Variants in TMC1 observed in about 807,000 individuals in gnomAD.
TMC1 encodes the protein transmembrane channel like 1.
In TMC1, 84 loss-of-function variants were observed where a neutral mutation model predicts 105.8. That is an observed-to-expected ratio of 0.79 (90% CI 0.67 to 0.95). The LOEUF (loss-of-function observed/expected upper bound fraction) is 0.95. Among genes scored for constraint, TMC1 ranks in the 40% least tolerant of loss-of-function variants. The pLI is 0.00. For missense variants in TMC1, 817 were observed against 914.1 expected (o/e 0.89, Z 1.37); for synonymous variants, 315 against 311.5 (o/e 1.01, Z -0.12).
chr9:72,757,901 C>T (rs760856948), intron 12 of TMC1, among the ~76,000 whole-genome samples: 5 of 151,942 alleles, frequency 3.3e-5, no homozygotes, highest in Non-Finnish European at 5.9e-5. Flanking sequence ...GTATTACACA[C>T]GGTAATGTAT....
chr9:72,579,409 C>G (rs1824439298), intron 2 of TMC1, among the ~76,000 whole-genome samples: 1 of 152,086 alleles, frequency 6.6e-6, no homozygotes. Flanking sequence ...GCCAGAATCA[C>G]CCAGGCTCCA....
At chr9:72,610,432 A>G (rs1216544892) in intron 2 of TMC1, among the ~76,000 whole-genome samples, 12 of 152,266 alleles carry the variant, frequency 7.9e-5, no homozygotes, top group East Asian at 5.8e-4. Context: ...CAAGCGAGCC[A>G]ATGATGTAGT....
At chr9:72,555,862 C>T (rs1823928337) in intron 1 of TMC1, among the ~76,000 whole-genome samples, 2 of 151,246 alleles carry the variant, frequency 1.3e-5, no homozygotes. Context: ...ACCTTGTGAT[C>T]CACCCACCTT....
chr9:72,684,011 A>G lies in TMC1; in HGVS notation c.17-4698A>G, dbSNP rs558225289. Among the ~76,000 whole-genome samples the G allele has an allele frequency of 2.5e-4, 38 of 151,704 alleles. No individual in the cohort carries two copies. In the South Asian group the frequency reaches 7.5e-3, roughly 30 times the overall value. The stretch of plus-strand genomic sequence containing the variant: ...GGACTCAAATCTAAGCAAGAGGTAT[A>G]TTAGTAAGTTGTTCAGTCTTTTAAC... On this transcript the variant is annotated intron_variant, in intron 5 of 23. Coordinates refer to ENST00000297784, the MANE Select transcript of TMC1 (RefSeq NM_138691.3).
chr9:72,536,475 G>A (rs1304729568), intron 1 of TMC1, among the ~76,000 whole-genome samples: 1 of 152,136 alleles, frequency 6.6e-6, no homozygotes, highest in African/African-American at 2.4e-5. Context: ...TGGGACTACA[G>A]GCAGCTGCCA....
At chr9:72,693,436 C>G (rs1826501737) in intron 6 of TMC1, among the ~76,000 whole-genome samples, 1 of 152,156 alleles carries the variant, frequency 6.6e-6, no homozygotes, top group African/African-American at 2.4e-5. Context: ...GGGCTTGTCT[C>G]TCCTTTGGAA....
chr9:72,797,281 G>A (rs1400954217), intron 17 of TMC1, among the ~76,000 whole-genome samples: 1 of 152,098 alleles, frequency 6.6e-6, no homozygotes, highest in Non-Finnish European at 1.5e-5. Context: ...TTGTTAAAAT[G>A]GCCATACTGC....
intron 5 of TMC1, among the ~76,000 whole-genome samples, chr9:72,661,978 A>G (rs563326770): frequency 6.6e-6 from 1 of 152,170 alleles, no homozygotes; most frequent in Non-Finnish European, 1.5e-5. Context: ...AGGTTGGTAG[A>G]CTCGAGGGAT....
chr9:72,758,250 A>G (rs1588069006), intron 12 of TMC1, among the ~76,000 whole-genome samples: 2 of 152,172 alleles, frequency 1.3e-5, no homozygotes, highest in South Asian at 4.1e-4. Context: ...TTTTGTAAGA[A>G]AAAGGAATTC....
At position 72,708,426 on chromosome 9, in the gene TMC1, A is replaced by G. The variant is rs546426333; in HGVS notation, c.362+7783A>G. ...GGATGTATTTCCATTTGTTTGTGTC[A>G]TCTGTGATTTATTTCAGCCATGTTT... On this transcript the variant is annotated intron_variant, in intron 8 of 23. Transcript: ENST00000297784. 6.6e-5 allele frequency among the ~76,000 whole-genome samples: 10 copies of G among 152,128 alleles called. No homozygotes were observed. In the South Asian group the frequency reaches 2.1e-3, roughly 32 times the overall value.
At chr9:72,807,121 C>T (rs970024472) in intron 18 of TMC1, among the ~76,000 whole-genome samples, 2 of 152,166 alleles carry the variant, frequency 1.3e-5, no homozygotes, top group African/African-American at 4.8e-5. Flanking sequence ...GGCGTGTCGG[C>T]GCGAGCCTGC....
At chr9:72,703,909 G>C (rs1351563023) in intron 8 of TMC1, among the ~76,000 whole-genome samples, 1 of 152,210 alleles carries the variant, frequency 6.6e-6, no homozygotes, top group African/African-American at 2.4e-5. Flanking sequence ...TTCAGTCTCC[G>C]TGATGAAGTT....
At chr9:72,641,158 A>G (rs1417595659) in intron 4 of TMC1, among the ~76,000 whole-genome samples, 2 of 152,128 alleles carry the variant, frequency 1.3e-5, no homozygotes, top group Non-Finnish European at 1.5e-5. Flanking sequence ...CAGTGGTGCA[A>G]TCTCAGCTCA....
At chr9:72,751,421 A>G (rs1317281901) in intron 10 of TMC1, among the ~76,000 whole-genome samples, 1 of 152,250 alleles carries the variant, frequency 6.6e-6, no homozygotes, top group Non-Finnish European at 1.5e-5. Context: ...GAGAAAAGGA[A>G]GAGAAAATAG....
rs145941482 is a variant in TMC1, at chr9:72,715,795, T to C, written c.362+15152T>C. Among the ~76,000 whole-genome samples the C allele has an allele frequency of 3.9e-5, 6 of 152,294 alleles. No individual in the cohort carries two copies. The East Asian group carries it at 1.2e-3, about 29-fold the overall frequency. On this transcript the variant is annotated intron_variant, in intron 8 of 23. Coordinates refer to ENST00000297784, the MANE Select transcript of TMC1 (RefSeq NM_138691.3). ...CAAACTCATTCTCCATCCAGTTTTG[T>C]TCGCTTGCTGGCAAGGAGTTGTGAT... is the stretch of plus-strand genomic sequence containing the variant.
rs1325535287 is a variant in TMC1 at position 72,635,355 on chromosome 9, G to T, written c.-53+7292G>T. ...CCCCTCCCTGGAGGTTGGTCTGGAG[G>T]TTGGGCTGAAAGTTCCAACTCTAAC... On this transcript the variant is annotated intron_variant, in intron 4 of 23. Transcript: ENST00000297784. Among the ~76,000 whole-genome samples the T allele has an allele frequency of 6.6e-5, 10 of 152,232 alleles. No individual in the cohort carries two copies. The South Asian group carries it at 1.9e-3, about 28-fold the overall frequency.
chr9:72,763,434 A>G (rs1211075441), intron 12 of TMC1, among the ~76,000 whole-genome samples: 1 of 152,182 alleles, frequency 6.6e-6, no homozygotes, highest in Non-Finnish European at 1.5e-5. Context: ...GCCAAGTGCT[A>G]TGAAGGAAAG....
intron 15 of TMC1, among the ~76,000 whole-genome samples, chr9:72,791,006 A>G (rs140604126): frequency 4.0e-4 from 61 of 152,282 alleles, no homozygotes; most frequent in African/African-American, 1.4e-3. Flanking sequence ...TGAGCCGGGT[A>G]TTTGGGAAAG....
chr9:72,543,313 A>C (rs1207358714), intron 1 of TMC1, among the ~76,000 whole-genome samples: 2 of 152,118 alleles, frequency 1.3e-5, no homozygotes, highest in African/African-American at 4.8e-5. Context: ...TCCCAGATCT[A>C]TCTCCTGCAT....
Sources: allele counts gnomAD v4.1 joint callset (sites outside exome capture counted in the v4.1 genomes callset), GRCh38; gene constraint gnomAD v4.1.1; transcripts MANE v1.5; gene names NCBI Gene and HGNC (gene_info 2026-07-23, HGNC 2026-07-21).